Variants in NKAIN3 observed in about 807,000 individuals in gnomAD.
The protein encoded by NKAIN3 is sodium/potassium-transporting ATPase subunit beta-1-interacting protein 3.
In NKAIN3, 25 loss-of-function variants were observed where a neutral mutation model predicts 30.2. The ratio of observed to expected loss-of-function variants is 0.83; its 90% CI spans 0.60 to 1.16. The LOEUF (loss-of-function observed/expected upper bound fraction) is 1.16. Among genes scored for constraint, NKAIN3 ranks in the 50% most tolerant of loss-of-function variants. NKAIN3 has a pLI of 0.00. For missense variants in NKAIN3, 225 were observed against 254.1 expected, an observed-to-expected ratio of 0.89 and a Z score of 0.78; for synonymous variants, 91 against 89.6, an observed-to-expected ratio of 1.02 and a Z score of -0.09.
chr8:62,788,092 A>T (rs572552311), intron 4 of NKAIN3, among the ~76,000 whole-genome samples: 2 of 152,270 alleles, frequency 1.3e-5, no homozygotes, highest in South Asian at 4.1e-4. Context: ...TTCTAGTTCT[A>T]GATCCCTGAG....
chr8:62,425,128 G>T (rs138370837), intron 1 of NKAIN3, among the ~76,000 whole-genome samples: 194 of 151,908 alleles, frequency 1.3e-3, no homozygotes, highest in African/African-American at 4.6e-3. Context: ...GGGTCTGAAT[G>T]GGAGGAGAAA....
intron 4 of NKAIN3, among the ~76,000 whole-genome samples, chr8:62,829,378 G>A (rs892020100): frequency 6.6e-6 from 1 of 152,092 alleles, no homozygotes; most frequent in Non-Finnish European, 1.5e-5. Flanking sequence ...ACACTGAAAA[G>A]ATTAATTGAA....
chr8:62,387,446 A>G (rs534861617), intron 1 of NKAIN3, among the ~76,000 whole-genome samples: 1 of 152,222 alleles, frequency 6.6e-6, no homozygotes, highest in African/African-American at 2.4e-5. Flanking sequence ...GTAAACACCC[A>G]TCCACATTGA....
intron 4 of NKAIN3, among the ~76,000 whole-genome samples, chr8:62,785,736 C>T (rs1363261143): frequency 6.6e-6 from 1 of 152,074 alleles, no homozygotes; most frequent in Non-Finnish European, 1.5e-5. Context: ...AATGAATAGA[C>T]ATATTGTCAT....
chr8:62,805,176 T>A (rs1409842455), intron 4 of NKAIN3, among the ~76,000 whole-genome samples: 15 of 151,768 alleles, frequency 9.9e-5, no homozygotes, highest in Non-Finnish European at 2.2e-4. Context: ...GGAAGAACAT[T>A]CCATGCTCAT....
chr8:62,741,075 T>A (rs1280135200), intron 3 of NKAIN3, among the ~76,000 whole-genome samples: 1 of 151,944 alleles, frequency 6.6e-6, no homozygotes, highest in African/African-American at 2.4e-5. Context: ...CTTTATGTCC[T>A]TGTAATCCAG....
chr8:62,690,588 C>G (rs1156599857), intron 3 of NKAIN3, among the ~76,000 whole-genome samples: 2 of 152,188 alleles, frequency 1.3e-5, no homozygotes, highest in Non-Finnish European at 2.9e-5. Context: ...CTCAGTCAGT[C>G]TGGCTGGCAG....
At chr8:62,777,233 C>A (rs1194851431) in intron 4 of NKAIN3, among the ~76,000 whole-genome samples, 1 of 152,102 alleles carries the variant, frequency 6.6e-6, no homozygotes, top group Non-Finnish European at 1.5e-5. Flanking sequence ...ATATTGATAT[C>A]TTTCTCTAGG....
chr8:62,713,010 A>AGT, intron 3 of NKAIN3, among the ~76,000 whole-genome samples: 1 of 152,254 alleles, frequency 6.6e-6, no homozygotes, highest in Non-Finnish European at 1.5e-5. Context: ...CTCCAGTGGG[A>AGT]GTGTGTGTTC....
intron 6 of NKAIN3, among the ~76,000 whole-genome samples, chr8:62,961,443 C>A (rs543941630): frequency 6.6e-6 from 1 of 151,750 alleles, no homozygotes; most frequent in Non-Finnish European, 1.5e-5. Flanking sequence ...CACAAGGAAG[C>A]AATCAGCCAA....
At chr8:62,633,917 G>A (rs78957471) in intron 3 of NKAIN3, among the ~76,000 whole-genome samples, 2,356 of 152,150 alleles carry the variant, frequency 0.015, 29 homozygotes, top group Middle Eastern at 0.054. Context: ...CAGCTGATGC[G>A]GGCAATAAGG....
intron 4 of NKAIN3, among the ~76,000 whole-genome samples, chr8:62,844,135 C>A (rs927700229): frequency 6.6e-6 from 1 of 152,124 alleles, no homozygotes; most frequent in African/African-American, 2.4e-5. Context: ...AACTTAAATG[C>A]CACAAACATG....
chr8:62,756,348 T>G (rs2130606377), intron 4 of NKAIN3, among the ~76,000 whole-genome samples: 1 of 152,320 alleles, frequency 6.6e-6, no homozygotes, highest in Non-Finnish European at 1.5e-5. Context: ...CGTGTTTGGC[T>G]TCTTTCACTT....
intron 1 of NKAIN3, among the ~76,000 whole-genome samples, chr8:62,278,768 C>T (rs1813058905): frequency 6.6e-6 from 1 of 152,122 alleles, no homozygotes; most frequent in African/African-American, 2.4e-5. Flanking sequence ...TTTCTTAATC[C>T]AGTCTATCAT....
At chr8:62,480,419 TG>T (rs528693964) in intron 1 of NKAIN3, among the ~76,000 whole-genome samples, 1 of 151,558 alleles carries the variant, frequency 6.6e-6, no homozygotes, top group Admixed American at 6.6e-5. Flanking sequence ...TTAATAAAGC[TG>T]GGGGGAAAAT....
At chr8:62,511,729 C>T (rs1228566303) in intron 1 of NKAIN3, among the ~76,000 whole-genome samples, 1 of 152,070 alleles carries the variant, frequency 6.6e-6, no homozygotes, top group Admixed American at 6.5e-5. Flanking sequence ...CCTTCCTCCA[C>T]AGGATCTTTA....
intron 5 of NKAIN3, among the ~76,000 whole-genome samples, chr8:62,950,944 CTTTTTTTT>C (rs71559384): frequency 9.9e-6 from 1 of 100,686 alleles, no homozygotes; most frequent in African/African-American, 3.7e-5. Flanking sequence ...AAACAGAATC[CTTTTTTTT>C]TTTTTTTTTT....
intron 1 of NKAIN3, among the ~76,000 whole-genome samples, chr8:62,369,966 C>T (rs553341602): frequency 4.6e-5 from 7 of 152,050 alleles, no homozygotes; most frequent in Middle Eastern, 3.4e-3. Context: ...TTACAAAGTA[C>T]AGTAGTTCCA....
At chr8:62,436,675 G>T (rs957513780) in intron 1 of NKAIN3, among the ~76,000 whole-genome samples, 2 of 152,030 alleles carry the variant, frequency 1.3e-5, no homozygotes, top group African/African-American at 4.8e-5. Context: ...ACTTAATTAG[G>T]AGTTGTTATT....
Sources: gnomAD v4.1 joint callset for allele counts (sites outside exome capture counted in the v4.1 genomes callset) on GRCh38, gnomAD v4.1.1 for gene constraint, MANE v1.5 for transcripts, NCBI Gene and HGNC (gene_info 2026-07-23, HGNC 2026-07-21) for gene names.